Variants in RDM1 observed in about 807,000 individuals in gnomAD.
RDM1 encodes RAD52 motif containing 1, also known as RAD52 motif-containing protein 1.
RDM1 carries 28 observed loss-of-function variants against 27.7 expected under a neutral mutation model. The ratio of observed to expected loss-of-function variants is 1.01; its 90% CI spans 0.75 to 1.39. The LOEUF (loss-of-function observed/expected upper bound fraction) is 1.39, where lower values mean the gene tolerates loss of function less well. Ranked by LOEUF, RDM1 falls within the 40% of genes most tolerant of loss-of-function variation. The pLI, the probability that RDM1 is intolerant of heterozygous loss-of-function variation, is 0.00. For synonymous variants in RDM1, 124 were observed against 127.5 expected, an observed-to-expected ratio of 0.97 and a Z score of 0.19; for missense variants, 277 against 337.3, an observed-to-expected ratio of 0.82 and a Z score of 1.40.
chr17:35,930,325 T>G, intron 1 of RDM1, 70 bp from the exon 2 acceptor site: 1 of 1,592,954 alleles, frequency 6.3e-7, no homozygotes, highest in South Asian at 1.1e-5. Flanking sequence ...TGCCCTCATA[T>G]TCCCCAAACC....
intron 5 of RDM1, among the ~76,000 whole-genome samples, 180 bp from the exon 6 acceptor site, chr17:35,920,452 C>CTTTCT (rs1490945973): frequency 1.7e-5 from 2 of 119,546 alleles, no homozygotes; most frequent in Non-Finnish European, 3.3e-5. Flanking sequence ...TTCTTTCTTT[C>CTTTCT]TTTCTTTTTT....
chr17:35,919,787 T>C (rs1461484613), intron 6 of RDM1, among the ~76,000 whole-genome samples: 2 of 152,218 alleles, frequency 1.3e-5, no homozygotes, highest in Admixed American at 1.3e-4. Flanking sequence ...AAACTGTATT[T>C]GAAAGGCATT....
chr17:35,918,591 TAAGTG>T (rs1271928637), intron 6 of RDM1, 148 bp from the exon 7 acceptor site: 1 of 693,002 alleles, frequency 1.4e-6, no homozygotes, highest in African/African-American at 1.8e-5. Context: ...TGCCAGGGAA[TAAGTG>T]AAGACTCCAA....
At chr17:35,926,927 C>G (rs938607022) in intron 2 of RDM1, among the ~76,000 whole-genome samples, 4 of 151,906 alleles carry the variant, frequency 2.6e-5, no homozygotes, top group African/African-American at 9.7e-5. Context: ...AGGAGAAATG[C>G]CTGTTGGGAA....
At chr17:35,920,719 T>G (rs542166002) in intron 5 of RDM1, among the ~76,000 whole-genome samples, 5 of 152,098 alleles carry the variant, frequency 3.3e-5, no homozygotes, top group Non-Finnish European at 7.4e-5. Flanking sequence ...CCTCCCAAAA[T>G]GCTGAGATTA....
At chr17:35,921,555 T>G (rs1764069597) in intron 5 of RDM1, among the ~76,000 whole-genome samples, 1 of 152,202 alleles carries the variant, frequency 6.6e-6, no homozygotes, top group Non-Finnish European at 1.5e-5. Context: ...CATGACCAAT[T>G]CCAAGGCTCA....
chr17:35,920,826 G>T (rs2088919615), intron 5 of RDM1, among the ~76,000 whole-genome samples: 1 of 152,128 alleles, frequency 6.6e-6, no homozygotes, highest in African/African-American at 2.4e-5. Context: ...TGATCTTACA[G>T]ATAGGAACTA....
At chr17:35,927,469 A>T (rs1354320847) in intron 2 of RDM1, among the ~76,000 whole-genome samples, 3 of 152,084 alleles carry the variant, frequency 2.0e-5, no homozygotes, top group Non-Finnish European at 4.4e-5. Context: ...ACCAAACAAA[A>T]AAACAAAAAC....
At chr17:35,927,046 G>C (rs2089176471) in intron 2 of RDM1, among the ~76,000 whole-genome samples, 1 of 146,212 alleles carries the variant, frequency 6.8e-6, no homozygotes, top group Non-Finnish European at 1.5e-5. Flanking sequence ...GAAAAACTCT[G>C]AGCCTCTGGG....
At chr17:35,922,382 C>T (rs1368455157) in intron 5 of RDM1, 195 bp downstream of exon 5, 3 of 631,908 alleles carry the variant, frequency 4.7e-6, no homozygotes, top group East Asian at 6.2e-5. Context: ...AAACTGGGGA[C>T]AATATTTGCT....
chr17:35,928,627 T>C (rs2089228448), intron 2 of RDM1, among the ~76,000 whole-genome samples: 1 of 151,832 alleles, frequency 6.6e-6, no homozygotes, highest in Non-Finnish European at 1.5e-5. Flanking sequence ...CCAGGCGTGG[T>C]GGTGCATGCC....
chr17:35,928,301 C>T (rs139004298), intron 2 of RDM1, among the ~76,000 whole-genome samples: 14 of 152,144 alleles, frequency 9.2e-5, no homozygotes, highest in African/African-American at 2.9e-4. Context: ...TCTACAATAC[C>T]GCTTAAAGAA....
chr17:35,924,962 C>T (rs2089085759), intron 3 of RDM1, among the ~76,000 whole-genome samples, 190 bp from the exon 4 acceptor site: 4 of 151,808 alleles, frequency 2.6e-5, no homozygotes. Flanking sequence ...GGTGAAACTC[C>T]GTCTCTACTA....
chr17:35,921,195 C>A (rs746833638), intron 5 of RDM1, among the ~76,000 whole-genome samples: 25 of 152,190 alleles, frequency 1.6e-4, no homozygotes, highest in Non-Finnish European at 1.5e-5. Flanking sequence ...TGCAAGATAC[C>A]TTTGTATATT....
rs533324768 is a variant in RDM1, at chr17:35,920,075, T to A, written c.753+112A>T. ...AAATACTCTGCACTCAAAAGTAGTATCAGTTTCACATTTTCCTAAGAATGA... is the reference window on the plus strand; with the variant it reads ...AAATACTCTGCACTCAAAAGTAGTAACAGTTTCACATTTTCCTAAGAATGA... On this transcript the variant is annotated intron_variant, in intron 6 of 6. Coordinates refer to ENST00000620284, the MANE Select transcript of RDM1 (RefSeq NM_145654.4). The A allele has an allele frequency of 1.1e-4, 62 of 586,996 alleles. No individual in the cohort carries two copies. The African/African-American group carries it at 1.1e-3, about 10-fold the overall frequency. The allele number at this position is 586,996 out of a possible 1,614,324, so 36.4% of individuals were successfully genotyped here.
Position 35,923,097 on chromosome 17 carries a change from A to G in RDM1, c.569-422T>C, listed in dbSNP as rs1013023834. Among the ~76,000 whole-genome samples, 9 of 151,580 alleles carry G rather than the reference A, an allele frequency of 5.9e-5. No homozygotes were observed. The East Asian group carries it at 1.8e-3, about 30-fold the overall frequency. On this transcript the variant is annotated intron_variant, in intron 4 of 6. Transcript: ENST00000620284. ...GGGGAGGCTGAGGCAGGTGGAGGCC[A>G]GGGGCTCAAGAACAGCCTGGTCAAT...
In RDM1 at chr17:35,922,674, T is replaced by C; in HGVS notation, c.570A>G (p.Gly190=). ...TCCTTTTCATAAGGAATGATAATGG[T>C]CCTAAATCCAACCAAAACAAATGGA... ...VEEPMDKVEE[G]PLSFLMKRKT... The change falls in exon 5 of 7, where the codon GGA becomes GGG. Residue 190 remains glycine (G), a splice_region_variant and synonymous_variant. Transcript: ENST00000620284. 1.3e-6 allele frequency: 2 copies of C among 1,591,484 alleles called. No individual in the cohort carries two copies. The highest frequency in any genetic ancestry group is 1.7e-6 in the Non-Finnish European group (2 of 1,173,166).
Position 35,920,264 on chromosome 17 carries a change from T to C in RDM1, c.676A>G (p.Lys226Glu). The C allele has an allele frequency of 1.3e-6, 2 of 1,565,392 alleles. No homozygotes were observed. The highest frequency in any genetic ancestry group is 1.2e-5 in the South Asian group (1 of 86,268). The change falls in exon 6 of 7, where the codon AAA becomes GAA. Residue 226 changes from lysine (K) to glutamate (E), a missense_variant. Physicochemically the swap from Lys to Glu is moderately conservative, Grantham distance 56. Transcript: ENST00000620284. ...CTGGGTCTGTACTCCACAGCTATTT[T>C]ACCACTTTCTGAAATAAAGTTAGCG... ...KLLIVVLESGKIAVEYRPSED... is the reference protein window; with the variant it reads ...KLLIVVLESGEIAVEYRPSED...
intron 6 of RDM1, among the ~76,000 whole-genome samples, chr17:35,919,338 G>A (rs1348754451): frequency 6.6e-6 from 1 of 151,904 alleles, no homozygotes; most frequent in Non-Finnish European, 1.5e-5. Context: ...GTCATGCGTT[G>A]CTTGCCATGT....
Sources: allele counts gnomAD v4.1 joint callset (sites outside exome capture counted in the v4.1 genomes callset), GRCh38; gene constraint gnomAD v4.1.1; transcripts MANE v1.5; gene names NCBI Gene and HGNC (gene_info 2026-07-23, HGNC 2026-07-21).